Variants in FCHSD2 observed in about 807,000 individuals in gnomAD.
FCHSD2 encodes F-BAR and double SH3 domains protein 2.
A neutral mutation model predicts 108.1 loss-of-function variants in FCHSD2; 38 were observed. The observed-to-expected ratio is 0.35, with a 90% CI of 0.27 to 0.46. The LOEUF (loss-of-function observed/expected upper bound fraction) is 0.46. Among genes scored for constraint, FCHSD2 ranks in the 20% least tolerant of loss-of-function variants. The probability of loss-of-function intolerance (pLI) is 1.00; values close to 1 mark genes in which losing one functional copy is unlikely to be tolerated. For missense variants in FCHSD2, 751 were observed against 897.8 expected (o/e 0.84, Z 2.09); for synonymous variants, 279 against 314.7 (o/e 0.89, Z 1.20).
intron 12 of FCHSD2, among the ~76,000 whole-genome samples, chr11:72,870,155 A>G (rs906029323): frequency 6.6e-6 from 1 of 152,134 alleles, no homozygotes; most frequent in Non-Finnish European, 1.5e-5. Flanking sequence ...GTCCGTTCAA[A>G]TATTACCCTT....
chr11:73,031,563 A>C (rs1182730942), intron 3 of FCHSD2, among the ~76,000 whole-genome samples: 1 of 152,218 alleles, frequency 6.6e-6, no homozygotes, highest in East Asian at 1.9e-4. Context: ...TGGGTGTTAC[A>C]CTTACAAAGT....
intron 3 of FCHSD2, among the ~76,000 whole-genome samples, chr11:73,067,543 C>T (rs989003947): frequency 6.6e-6 from 1 of 151,822 alleles, no homozygotes; most frequent in Non-Finnish European, 1.5e-5. Flanking sequence ...TTTGAACTTC[C>T]CCTCTGGTTC....
In FCHSD2 at chr11:73,119,027, C is replaced by T. The variant is rs879300325; in HGVS notation, c.119+21004G>A. Among the ~76,000 whole-genome samples, 7 of 152,112 alleles carry T rather than the reference C, an allele frequency of 4.6e-5. No individual in the cohort carries two copies. In the East Asian group the frequency reaches 7.7e-4, roughly 17 times the overall value. ...GAATGCATATTCTCTAAAGGCCAGG[C>T]GCGGTGACTCACGTCTGTAATCCTA... On this transcript the variant is annotated intron_variant, in intron 2 of 19. Transcript: ENST00000409418.
At chr11:72,908,605 T>C (rs749320299) in intron 9 of FCHSD2, among the ~76,000 whole-genome samples, 9 of 152,212 alleles carry the variant, frequency 5.9e-5, no homozygotes, top group Non-Finnish European at 1.3e-4. Flanking sequence ...TATCTTACTG[T>C]AGTTTTGATT....
intron 8 of FCHSD2, among the ~76,000 whole-genome samples, chr11:72,981,242 T>G (rs1857210782): frequency 6.6e-6 from 1 of 152,162 alleles, no homozygotes; most frequent in African/African-American, 2.4e-5. Context: ...TACCCCACAA[T>G]GTTTCATTAA....
rs11603605 is a variant in FCHSD2, at chr11:73,061,713, T to C, written c.165+21982A>G. 7.6e-3 allele frequency among the ~76,000 whole-genome samples: 1,160 copies of C among 152,232 alleles called. 7 individuals are homozygous for C. Among genetic ancestry groups the C allele is most frequent in the Middle Eastern group, 0.027 (8 of 294 alleles). On this transcript the variant is annotated intron_variant, in intron 3 of 19. Coordinates refer to ENST00000409418, the MANE Select transcript of FCHSD2 (RefSeq NM_014824.3). ...AAGCCTCTGGGAAGTTCGAACTGGG[T>C]GGAGCCCACTGCAGCTCAGCAAGGC...
intron 6 of FCHSD2, among the ~76,000 whole-genome samples, chr11:72,986,283 C>T (rs1008372129): frequency 1.3e-5 from 2 of 152,280 alleles, no homozygotes; most frequent in Admixed American, 6.5e-5. Flanking sequence ...GATCTCTGCT[C>T]ACTGCAACCT....
rs753322059 is a variant in FCHSD2 at position 73,141,832 on chromosome 11, CA to C, written c.21+24del. The C allele has an allele frequency of 4.2e-5, 65 of 1,542,174 alleles. No individual in the cohort carries two copies. The African/African-American group carries it at 7.7e-4, about 18-fold the overall frequency. On this transcript the variant is annotated intron_variant, in intron 1 of 19. Transcript: ENST00000409418. Reference sequence around the variant, plus strand: ...TCCGCGTACGCATCTCTCCGAACCCCAAAGCCCCCCAGCTGCGCCCTTACCT... The same window carrying C: ...TCCGCGTACGCATCTCTCCGAACCCCAAGCCCCCCAGCTGCGCCCTTACCT...
intron 9 of FCHSD2, among the ~76,000 whole-genome samples, chr11:72,905,970 G>A (rs1591385566): frequency 6.6e-6 from 1 of 152,198 alleles, no homozygotes; most frequent in African/African-American, 2.4e-5. Context: ...GGGATTGCTG[G>A]GTCAAATGGT....
At chr11:73,007,758 C>T (rs551097134) in intron 4 of FCHSD2, among the ~76,000 whole-genome samples, 78 of 152,290 alleles carry the variant, frequency 5.1e-4, no homozygotes, top group African/African-American at 1.9e-3. Flanking sequence ...CACACACATA[C>T]ACACAAATGA....
intron 2 of FCHSD2, among the ~76,000 whole-genome samples, chr11:73,134,737 G>A (rs1861082977): frequency 2.0e-5 from 3 of 152,168 alleles, no homozygotes; most frequent in Non-Finnish European, 2.9e-5. Context: ...TCACGTTAAC[G>A]GTTTGAAAAT....
intron 2 of FCHSD2, among the ~76,000 whole-genome samples, chr11:73,098,868 T>C (rs776289131): frequency 5.9e-5 from 9 of 152,140 alleles, no homozygotes; most frequent in Non-Finnish European, 8.8e-5. Context: ...CATTCCTAGA[T>C]GGGAAACCAA....
At chr11:72,954,263 T>C (rs1856672251) in intron 8 of FCHSD2, among the ~76,000 whole-genome samples, 1 of 137,740 alleles carries the variant, frequency 7.3e-6, no homozygotes, top group Non-Finnish European at 1.5e-5. Context: ...TGGAGTGCAG[T>C]GGCACAGCAT....
At chr11:72,987,613 T>A (rs976879697) in intron 6 of FCHSD2, among the ~76,000 whole-genome samples, 1 of 152,178 alleles carries the variant, frequency 6.6e-6, no homozygotes, top group African/African-American at 2.4e-5. Context: ...CCCTCTGAAT[T>A]TGGGTCATGT....
At chr11:72,877,817 G>T (rs1789919393) in intron 12 of FCHSD2, among the ~76,000 whole-genome samples, 1 of 151,882 alleles carries the variant, frequency 6.6e-6, no homozygotes, top group Non-Finnish European at 1.5e-5. Flanking sequence ...ACCAGCCTGA[G>T]AAACATGGGG....
chr11:72,851,506 C>T (rs1310068814), intron 13 of FCHSD2, among the ~76,000 whole-genome samples: 3 of 152,028 alleles, frequency 2.0e-5, no homozygotes, highest in East Asian at 1.9e-4. Context: ...TTTGGGAGGC[C>T]GAGGTGGGCG....
Position 72,957,346 on chromosome 11 carries a change from C to T in FCHSD2, c.705+26742G>A, listed in dbSNP as rs575430585. On this transcript the variant is annotated intron_variant, in intron 8 of 19. Coordinates refer to ENST00000409418, the MANE Select transcript of FCHSD2 (RefSeq NM_014824.3). Reference sequence around the variant, plus strand: ...ATGGTTTCCAGTTTCATCCATGTCCCTATAAAGGACATGAACTCATCATTT... The same window carrying T: ...ATGGTTTCCAGTTTCATCCATGTCCTTATAAAGGACATGAACTCATCATTT... Among the ~76,000 whole-genome samples, 4 of 151,128 alleles carry T rather than the reference C, an allele frequency of 2.6e-5. No individual in the cohort carries two copies. In the South Asian group the frequency reaches 6.3e-4, roughly 24 times the overall value.
chr11:72,868,845 C>T (rs999710127), intron 12 of FCHSD2, among the ~76,000 whole-genome samples: 1 of 151,728 alleles, frequency 6.6e-6, no homozygotes, highest in South Asian at 2.1e-4. Flanking sequence ...CATATTTTTG[C>T]ACAACTGTAT....
At chr11:72,884,128 T>C (rs1184023831) in intron 12 of FCHSD2, among the ~76,000 whole-genome samples, 2 of 152,202 alleles carry the variant, frequency 1.3e-5, no homozygotes, top group East Asian at 3.9e-4. Context: ...GACAACTTGA[T>C]ATTATGATTC....
Sources: gnomAD v4.1 joint callset for allele counts (sites outside exome capture counted in the v4.1 genomes callset) on GRCh38, gnomAD v4.1.1 for gene constraint, MANE v1.5 for transcripts, NCBI Gene and HGNC (gene_info 2026-07-23, HGNC 2026-07-21) for gene names.